The following ERG variants were observed in gnomAD, a reference collection of about 807,000 sequenced individuals.
ERG encodes the protein ETS transcription factor ERG.
Under a neutral mutation model 55.3 loss-of-function variants are expected in ERG, and 9 were observed. The ratio of observed to expected loss-of-function variants is 0.16; its 90% CI spans 0.10 to 0.28. The LOEUF is 0.28. ERG is among the 10% of genes least tolerant of loss of function. The probability of loss-of-function intolerance (pLI) is 1.00; values close to 1 mark genes in which losing one functional copy is unlikely to be tolerated. For missense variants in ERG, 434 were observed against 631.6 expected, an observed-to-expected ratio of 0.69 and a Z score of 3.35; for synonymous variants, 223 against 237.3, an observed-to-expected ratio of 0.94 and a Z score of 0.55.
rs1250383799 is a variant in ERG, at chr21:38,610,913, C to T, written c.-149-25968G>A. ...TGAAAAAGAGGAAGAAAGTGTTTCA[C>T]ACAGAGGAGAAAAGAAGTTTTAGAT... is the stretch of plus-strand genomic sequence containing the variant. On this transcript the variant is annotated intron_variant, in intron 1 of 10. Transcript: ENST00000398910. Among the ~76,000 whole-genome samples the T allele has an allele frequency of 3.9e-5, 6 of 152,218 alleles. No homozygotes were observed. In the East Asian group the frequency reaches 7.7e-4, roughly 20 times the overall value.
chr21:38,638,013 T>C (rs1297145814), intron 1 of ERG, among the ~76,000 whole-genome samples: 15 of 152,186 alleles, frequency 9.9e-5, no homozygotes, highest in Admixed American at 9.8e-4. Context: ...CACAATGCAT[T>C]GGGCATATCA....
upstream of ERG, among the ~76,000 whole-genome samples, chr21:38,501,581 C>T (rs1011863054): frequency 3.9e-5 from 6 of 152,114 alleles, no homozygotes; most frequent in Non-Finnish European, 8.8e-5. Flanking sequence ...GGGAAATATG[C>T]CCTCCAAGCC....
intron 1 of ERG, among the ~76,000 whole-genome samples, chr21:38,592,110 A>C (rs1431991644): frequency 2.6e-5 from 4 of 152,366 alleles, no homozygotes; most frequent in Admixed American, 1.3e-4. Flanking sequence ...GTGTGCTGCC[A>C]GATGGCTAAC....
chr21:38,475,167 A>G (rs1269854002), intron 1 of ERG, among the ~76,000 whole-genome samples: 2 of 152,336 alleles, frequency 1.3e-5, no homozygotes, highest in East Asian at 3.9e-4. Flanking sequence ...GACTGCAAAA[A>G]TAAGTCAACA....
rs1555898045 is a variant in ERG at position 38,429,746 on chromosome 21, T to TATATACAC, written c.237-6186_237-6185insGTGTATAT. ...CTATATATATGTGTGTATATATATA[T>TATATACAC]ACACACACACACACACACCACATTT... is the stretch of plus-strand genomic sequence containing the variant. On this transcript the variant is annotated intron_variant, in intron 2 of 9. Transcript: ENST00000288319. Among the ~76,000 whole-genome samples, 29 of 107,924 alleles carry TATATACAC rather than the reference T, an allele frequency of 2.7e-4. 2 individuals are homozygous for TATATACAC. Among genetic ancestry groups the TATATACAC allele is most frequent in the African/African-American group, 9.3e-4 (27 of 28,910 alleles). The allele number at this position is 107,924 out of a possible 152,430, so 70.8% of individuals were successfully genotyped here.
At position 38,383,342 on chromosome 21, in the gene ERG, A is replaced by T; in HGVS notation, c.*61T>A. 1 of 1,412,518 alleles carries T rather than the reference A, an allele frequency of 7.1e-7. No individual in the cohort carries two copies. Among genetic ancestry groups the T allele is most frequent in the South Asian group, 2.0e-5 (1 of 49,102 alleles). The allele number at this position is 1,412,518 out of a possible 1,614,324, so 87.5% of individuals were successfully genotyped here. Reference sequence around the variant, plus strand: ...AGGCACTTTTGATTCATGTTCTCCGATAGAGTTTGTGGCGATGGGCTGGTG... The same window carrying T: ...AGGCACTTTTGATTCATGTTCTCCGTTAGAGTTTGTGGCGATGGGCTGGTG... On this transcript the variant is annotated 3_prime_UTR_variant, in exon 10 of 10. Coordinates refer to ENST00000288319, the MANE Select transcript of ERG (RefSeq NM_182918.4). The surrounding 1 kb of genome is among the most constrained non-coding windows in gnomAD (Gnocchi z 5.7).
At chr21:38,417,248 G>A (rs986928663) in intron 3 of ERG, among the ~76,000 whole-genome samples, 4 of 152,084 alleles carry the variant, frequency 2.6e-5, no homozygotes, top group Non-Finnish European at 1.5e-5. Context: ...ATGTTTGGTG[G>A]GCAAGAAAAG....
intron 2 of ERG, among the ~76,000 whole-genome samples, chr21:38,534,141 C>T (rs970043): frequency 0.076 from 11,577 of 152,154 alleles, 618 homozygotes; most frequent in East Asian, 0.18. Flanking sequence ...CAAGTATTTC[C>T]GAAGACAGAC....
intron 1 of ERG, among the ~76,000 whole-genome samples, chr21:38,458,118 C>T (rs567108697): frequency 6.6e-6 from 1 of 152,174 alleles, no homozygotes; most frequent in Non-Finnish European, 1.5e-5. Context: ...GCACTGAGCT[C>T]CCTGGGCCCT....
intron 2 of ERG, among the ~76,000 whole-genome samples, chr21:38,516,188 T>C (rs553934098): frequency 1.2e-3 from 177 of 152,096 alleles, no homozygotes; most frequent in African/African-American, 4.2e-3. Context: ...AGAAGTCAAA[T>C]TGTCCCTCTT....
chr21:38,443,053 C>T (rs1325385926), intron 2 of ERG, among the ~76,000 whole-genome samples: 6 of 152,210 alleles, frequency 3.9e-5, no homozygotes, highest in East Asian at 1.9e-4. Flanking sequence ...GTGATCCACC[C>T]GCCTTGGCCT....
chr21:38,381,030 T>C lies in ERG; in HGVS notation c.*2373A>G. ...ATTTTCCCTAAGGAGATACGGGCAC[T>C]TTGTGGGCCTTCCCAGGCTGCTGCA... On this transcript the variant is annotated 3_prime_UTR_variant, in exon 10 of 10. Transcript: ENST00000288319. The C allele has an allele frequency of 9.4e-7, 1 of 1,064,586 alleles. No individual in the cohort carries two copies. The highest frequency in any genetic ancestry group is 1.6e-5 in the African/African-American group (1 of 61,164). 65.9% of individuals were successfully genotyped at this position (1,064,586 alleles called of 1,614,324 possible). A position where few individuals can be genotyped will look rare whatever the true frequency, so the allele number is the denominator to read the frequency against.
At chr21:38,655,611 A>C (rs2060514242) in intron 1 of ERG, among the ~76,000 whole-genome samples, 1 of 152,206 alleles carries the variant, frequency 6.6e-6, no homozygotes, top group African/African-American at 2.4e-5. Context: ...ACATCTGACT[A>C]CGAACAACTA....
chr21:38,430,854 T>C (rs899451947), intron 2 of ERG, among the ~76,000 whole-genome samples: 4 of 152,196 alleles, frequency 2.6e-5, no homozygotes, highest in African/African-American at 9.7e-5. Context: ...TTGAGGAGTG[T>C]AACCTCTGCA....
chr21:38,457,913 G>A lies in ERG; in HGVS notation c.19-12292C>T, dbSNP rs116567896. On this transcript the variant is annotated intron_variant, in intron 1 of 9. Transcript: ENST00000288319. ...AGAGCAACTTAGCTAAAGGGAAAGA[G>A]AATTTGCACTTGCTCTCTTCCACTC... Among the ~76,000 whole-genome samples, 466 of 152,356 alleles carry A rather than the reference G, an allele frequency of 3.1e-3. 5 individuals carry two copies. Among genetic ancestry groups the A allele is most frequent in the African/African-American group, 0.011 (439 of 41,582 alleles).
intron 1 of ERG, among the ~76,000 whole-genome samples, chr21:38,601,456 AAT>A (rs1298054709): frequency 1.3e-5 from 2 of 152,188 alleles, no homozygotes; most frequent in Admixed American, 6.5e-5. Flanking sequence ...GAAATAGAAA[AAT>A]AGAGAGATAA....
chr21:38,586,204 T>G (rs1601281092), upstream of ERG, among the ~76,000 whole-genome samples: 1 of 23,650 alleles, frequency 4.2e-5, no homozygotes, highest in African/African-American at 2.6e-4. Context: ...TATATATATA[T>G]ATATATATAT....
At chr21:38,595,794 G>T (rs1029470589) in intron 1 of ERG, among the ~76,000 whole-genome samples, 2 of 152,136 alleles carry the variant, frequency 1.3e-5, no homozygotes, top group Non-Finnish European at 2.9e-5. Context: ...GCAGAACCTC[G>T]CTGGCCATCT....
intron 2 of ERG, among the ~76,000 whole-genome samples, chr21:38,424,945 T>A (rs901214165): frequency 6.6e-6 from 1 of 152,212 alleles, no homozygotes; most frequent in African/African-American, 2.4e-5. Context: ...GTCACAGGGC[T>A]GCTGTTAGTA....
Sources: allele counts gnomAD v4.1 joint callset (sites outside exome capture counted in the v4.1 genomes callset), GRCh38; gene constraint gnomAD v4.1.1; non-coding constraint Gnocchi (gnomAD v3.1); transcripts MANE v1.5; gene names NCBI Gene and HGNC (gene_info 2026-07-23, HGNC 2026-07-21).